RASSF8: variants seen among roughly 807,000 people sequenced by gnomAD.
RASSF8 encodes the protein ras association domain-containing protein 8.
A neutral mutation model predicts 48.5 loss-of-function variants in RASSF8; 22 were observed. The observed-to-expected ratio is 0.45, with a 90% CI of 0.32 to 0.65. The LOEUF is 0.65. RASSF8 is among the 30% of genes least tolerant of loss of function. The pLI is 0.03. For synonymous variants in RASSF8, 127 were observed against 171.5 expected (o/e 0.74, Z 2.03); for missense variants, 418 against 489.2 (o/e 0.85, Z 1.37).
exon 6 of RASSF8, chr12:26,079,033 G>T (rs1302891934): frequency 6.5e-7 from 1 of 1,543,618 alleles, no homozygotes; most frequent in Admixed American, 2.0e-5. Context: ...TTTTATCTAG[G>T]GATCATCATT....
At chr12:25,959,813 C>T (rs1941187040) in intron 1 of RASSF8, 2 of 152,122 alleles carry the variant, frequency 1.3e-5, no homozygotes, top group Non-Finnish European at 2.9e-5. Context: ...TACTTGGGTT[C>T]GGAATCCAGT....
rs1045358544 is a variant in RASSF8, at chr12:26,072,144, C to T, written c.*3326C>T. ...ATAAATTTGGCCTTAATTTATATAA[C>T]GATGCTGTGTTCACATCCCTCTCCT... On this transcript the variant is annotated 3_prime_UTR_variant, in exon 6 of 6. Coordinates refer to ENST00000689635, the MANE Select transcript of RASSF8 (RefSeq NM_001394098.1). 9 of 983,538 alleles carry T rather than the reference C, an allele frequency of 9.2e-6. No individual in the cohort carries two copies. The highest frequency in any genetic ancestry group is 1.1e-4 in the East Asian group (1 of 8,820). 60.9% of individuals were successfully genotyped at this position (983,538 alleles called of 1,614,324 possible).
intron 2 of RASSF8, among the ~76,000 whole-genome samples, chr12:26,022,492 A>G (rs908514690): frequency 2.6e-5 from 4 of 152,214 alleles, no homozygotes; most frequent in African/African-American, 9.6e-5. Context: ...CCCATACACA[A>G]GAAAAACAGT....
intron 2 of RASSF8, among the ~76,000 whole-genome samples, chr12:26,049,430 C>T (rs1320175879): frequency 6.6e-6 from 1 of 152,198 alleles, no homozygotes; most frequent in Non-Finnish European, 1.5e-5. Flanking sequence ...TACATTTCCA[C>T]TGTGAACTTT....
rs533167981 is a variant in RASSF8 at position 25,974,783 on chromosome 12, T to G, written c.-203+15635T>G. Among the ~76,000 whole-genome samples, 10 of 152,306 alleles carry G rather than the reference T, an allele frequency of 6.6e-5. 1 individual carries two copies. Among genetic ancestry groups the G allele is most frequent in the African/African-American group, 2.4e-4 (10 of 41,554 alleles). Reference sequence around the variant, plus strand: ...GCTGCACTCTGAGTTTGTCTGCCTCTTCCAGACATATTGACCAGTGAGCAC... The same window carrying G: ...GCTGCACTCTGAGTTTGTCTGCCTCGTCCAGACATATTGACCAGTGAGCAC... On this transcript the variant is annotated intron_variant, in intron 1 of 5. Coordinates refer to ENST00000689635, the MANE Select transcript of RASSF8 (RefSeq NM_001394098.1).
intron 2 of RASSF8, among the ~76,000 whole-genome samples, chr12:26,043,183 A>T (rs932353499): frequency 6.6e-6 from 1 of 152,234 alleles, no homozygotes; most frequent in African/African-American, 2.4e-5. Flanking sequence ...AATGCTTTGA[A>T]AGCACAGGGA....
intron 1 of RASSF8, among the ~76,000 whole-genome samples, chr12:25,990,196 A>T (rs540847316): frequency 6.6e-6 from 1 of 152,202 alleles, no homozygotes; most frequent in Non-Finnish European, 1.5e-5. Flanking sequence ...AGTAAAAAAA[A>T]TTACAGCCAT....
At chr12:25,967,275 C>T (rs1247738500) in intron 1 of RASSF8, among the ~76,000 whole-genome samples, 1 of 152,100 alleles carries the variant, frequency 6.6e-6, no homozygotes, top group East Asian at 1.9e-4. Flanking sequence ...ATTCCTTCTC[C>T]CTCTTTTCCT....
chr12:26,019,491 A>G (rs1275810782), intron 2 of RASSF8, among the ~76,000 whole-genome samples: 2 of 152,022 alleles, frequency 1.3e-5, no homozygotes, highest in African/African-American at 2.4e-5. Flanking sequence ...AAACTTTCTT[A>G]TGGCTCCCAG....
rs1166634516 is a variant in RASSF8 at position 26,019,589 on chromosome 12, GTGTGTGTGTGTGTGTC to G, written c.-109+24469_-109+24484del. On this transcript the variant is annotated intron_variant, in intron 2 of 5. Transcript: ENST00000689635. ...TGTGTGTGTGTGTGTGTGTGTGTGT[GTGTGTGTGTGTGTGTC>G]TGTGTGTGTCTGTGTGTATAACTAA... 4.1e-3 allele frequency among the ~76,000 whole-genome samples: 623 copies of G among 151,176 alleles called. 4 individuals carry two copies. Among genetic ancestry groups the G allele is most frequent in the Middle Eastern group, 0.02 (6 of 294 alleles).
chr12:25,992,464 C>A (rs755753171), intron 1 of RASSF8, among the ~76,000 whole-genome samples: 4 of 152,172 alleles, frequency 2.6e-5, no homozygotes, highest in Non-Finnish European at 4.4e-5. Context: ...TGAACAGTAC[C>A]AGTGAGTACT....
At chr12:26,059,226 A>G (rs1163289014) in intron 3 of RASSF8, among the ~76,000 whole-genome samples, 3 of 152,210 alleles carry the variant, frequency 2.0e-5, no homozygotes, top group Non-Finnish European at 4.4e-5. Flanking sequence ...AGTCCAGCTA[A>G]CAAAAGATGA....
chr12:26,030,031 A>G (rs991338282), intron 2 of RASSF8, among the ~76,000 whole-genome samples: 15 of 152,166 alleles, frequency 9.9e-5, no homozygotes, highest in African/African-American at 3.6e-4. Flanking sequence ...ATTTTTTGTA[A>G]AAATAAATTT....
chr12:26,027,898 G>A (rs1485518138), intron 2 of RASSF8, among the ~76,000 whole-genome samples: 1 of 152,164 alleles, frequency 6.6e-6, no homozygotes, highest in African/African-American at 2.4e-5. Context: ...GACCAGATGG[G>A]TGGGAGAAGC....
intron 2 of RASSF8, among the ~76,000 whole-genome samples, chr12:25,998,349 C>CTTTTT (rs34094399): frequency 7.6e-6 from 1 of 131,062 alleles, no homozygotes; most frequent in Admixed American, 7.7e-5. Context: ...GAAGACAAAG[C>CTTTTT]TTTTTTTTTT....
intron 3 of RASSF8, among the ~76,000 whole-genome samples, chr12:26,058,538 G>GCGCACGCACGCA (rs377669426): frequency 1.3e-5 from 2 of 148,998 alleles, no homozygotes; most frequent in Non-Finnish European, 3.0e-5. Flanking sequence ...ACGCGCGCGC[G>GCGCACGCACGCA]CACACACACA....
intron 1 of RASSF8, 132 bp downstream of exon 1, chr12:25,959,280 G>C (rs1941168274): frequency 6.6e-6 from 1 of 152,180 alleles, no homozygotes; most frequent in Non-Finnish European, 1.5e-5. Context: ...CGTCCGTTCC[G>C]CCCCCACCCT....
downstream of RASSF8, among the ~76,000 whole-genome samples, chr12:26,073,821 TACAC>T (rs757140768): frequency 6.5e-3 from 427 of 65,232 alleles, 6 homozygotes; most frequent in African/African-American, 0.022. Context: ...TATATACACA[TACAC>T]ACACACACAC....
At chr12:26,034,169 G>A (rs142055922) in intron 2 of RASSF8, among the ~76,000 whole-genome samples, 45 of 152,154 alleles carry the variant, frequency 3.0e-4, no homozygotes, top group Non-Finnish European at 4.9e-4. Flanking sequence ...GTGGGCAAAT[G>A]GTAAGCACGT....
Sources: allele counts gnomAD v4.1 joint callset (sites outside exome capture counted in the v4.1 genomes callset), GRCh38; gene constraint gnomAD v4.1.1; transcripts MANE v1.5; gene names NCBI Gene and HGNC (gene_info 2026-07-23, HGNC 2026-07-21).